The following ALK variants were observed in gnomAD, a reference collection of about 807,000 sequenced individuals.
ALK encodes the protein ALK receptor tyrosine kinase, also known as ALK tyrosine kinase receptor.
In ALK, 74 loss-of-function variants were observed where a neutral mutation model predicts 163.1. The observed-to-expected ratio is 0.45, with a 90% CI of 0.38 to 0.55. The LOEUF is 0.55. Ranked by LOEUF, ALK falls within the 20% of genes least tolerant of loss-of-function variation. The probability of loss-of-function intolerance (pLI) is 0.00; values close to 1 mark genes in which losing one functional copy is unlikely to be tolerated. For synonymous variants in ALK, 960 were observed against 843.2 expected (o/e 1.14, Z -2.40); for missense variants, 2,063 against 2,105.3 (o/e 0.98, Z 0.39).
chr2:29,716,847 T>C (rs1365929944), intron 2 of ALK, among the ~76,000 whole-genome samples: 1 of 151,658 alleles, frequency 6.6e-6, no homozygotes, highest in Non-Finnish European at 1.5e-5. Flanking sequence ...AATCCCCTCT[T>C]AAGAGACTGA....
chr2:29,497,477 T>C (rs1672060239), intron 4 of ALK, among the ~76,000 whole-genome samples: 1 of 152,068 alleles, frequency 6.6e-6, no homozygotes, highest in African/African-American at 2.4e-5. Context: ...TGCTACTGAG[T>C]GCACCAGGGC....
intron 8 of ALK, among the ~76,000 whole-genome samples, chr2:29,317,282 T>A (rs60332652): frequency 0.01 from 1,533 of 152,324 alleles, 28 homozygotes; most frequent in African/African-American, 0.034. Flanking sequence ...GACAGGAATT[T>A]CTCCTGTGAG....
chr2:29,813,578 A>G (rs1664813948), intron 1 of ALK, among the ~76,000 whole-genome samples: 1 of 152,206 alleles, frequency 6.6e-6, no homozygotes, highest in South Asian at 2.1e-4. Flanking sequence ...GAAGAGGCAT[A>G]AAAATAAATT....
intron 24 of ALK, 33 bp downstream of exon 24, chr2:29,213,951 G>A (rs1321648570): frequency 1.9e-6 from 3 of 1,567,828 alleles, no homozygotes; most frequent in Non-Finnish European, 2.6e-6. Context: ...TCAGCGACAG[G>A]ATGACAGGAA....
intron 1 of ALK, among the ~76,000 whole-genome samples, chr2:29,897,251 G>A (rs912503674): frequency 3.9e-5 from 6 of 151,976 alleles, no homozygotes; most frequent in Admixed American, 1.3e-4. Flanking sequence ...GGTTGCAAGT[G>A]GTTCTGCAGC....
At chr2:29,554,483 G>T (rs983944842) in intron 3 of ALK, among the ~76,000 whole-genome samples, 2 of 152,198 alleles carry the variant, frequency 1.3e-5, no homozygotes, top group African/African-American at 4.8e-5. Context: ...CAAAGGCTTG[G>T]TCTGCACTGA....
intron 3 of ALK, among the ~76,000 whole-genome samples, chr2:29,628,156 T>G (rs527884750): frequency 2.0e-5 from 3 of 152,334 alleles, no homozygotes; most frequent in Admixed American, 2.0e-4. Context: ...CCTTTGACTT[T>G]CATTATGATT....
At chr2:29,217,209 T>C (rs558282605) in intron 23 of ALK, among the ~76,000 whole-genome samples, 1 of 151,466 alleles carries the variant, frequency 6.6e-6, no homozygotes, top group African/African-American at 2.4e-5. Flanking sequence ...TTGTGTGTGT[T>C]GCATGTTGCA....
At chr2:29,475,415 G>A (rs754127397) in intron 4 of ALK, among the ~76,000 whole-genome samples, 3 of 152,168 alleles carry the variant, frequency 2.0e-5, no homozygotes, top group South Asian at 2.1e-4. Context: ...GTCACACGGC[G>A]TAGGTGGCAG....
chr2:29,266,543 T>G (rs1022838749), intron 11 of ALK, among the ~76,000 whole-genome samples: 2 of 152,248 alleles, frequency 1.3e-5, no homozygotes, highest in Non-Finnish European at 2.9e-5. Context: ...GCATATTGTT[T>G]TGTACCTTTG....
At chr2:29,625,845 C>G (rs1382351521) in intron 3 of ALK, among the ~76,000 whole-genome samples, 1 of 152,238 alleles carries the variant, frequency 6.6e-6, no homozygotes, top group Non-Finnish European at 1.5e-5. Flanking sequence ...GCAGAGGCAC[C>G]TGAGCTTTGC....
At chr2:29,769,129 T>C (rs1200276710) in intron 1 of ALK, among the ~76,000 whole-genome samples, 1 of 145,840 alleles carries the variant, frequency 6.9e-6, no homozygotes, top group African/African-American at 2.5e-5. Context: ...CCACAGCATC[T>C]GGCTAAATTT....
At chr2:29,655,256 G>A (rs1190975156) in intron 3 of ALK, among the ~76,000 whole-genome samples, 2 of 152,160 alleles carry the variant, frequency 1.3e-5, no homozygotes, top group Non-Finnish European at 2.9e-5. Context: ...GGTAGGGGCT[G>A]AATATGGTGA....
At chr2:29,909,486 G>GAGAGAGAGAC (rs1667642439) in intron 1 of ALK, among the ~76,000 whole-genome samples, 1 of 131,208 alleles carries the variant, frequency 7.6e-6, no homozygotes, top group Non-Finnish European at 1.6e-5. Flanking sequence ...CAGACAGAGA[G>GAGAGAGAGAC]AGAGAGAGAG....
intron 4 of ALK, among the ~76,000 whole-genome samples, chr2:29,399,710 G>A (rs747889412): frequency 7.9e-5 from 12 of 152,150 alleles, no homozygotes; most frequent in Non-Finnish European, 1.3e-4. Context: ...TGTCTCTTCC[G>A]TTTATGAGGT....
rs1218098685 is a variant in ALK, at chr2:29,192,837, TCAA to T, written c.*384_*386del. On this transcript the variant is annotated 3_prime_UTR_variant, in exon 29 of 29. Coordinates refer to ENST00000389048, the MANE Select transcript of ALK (RefSeq NM_004304.5). ...TCCCCTCAAATGGCTCATGTCCACA[TCAA>T]CAAGGCAAGGAAACATCTATGACCC... 3 of 363,276 alleles carry T rather than the reference TCAA, an allele frequency of 8.3e-6. No homozygotes were observed. The highest frequency in any genetic ancestry group is 4.4e-5 in the Admixed American group (1 of 22,610). 22.5% of individuals were successfully genotyped at this position (363,276 alleles called of 1,614,324 possible).
At chr2:29,674,609 T>C (rs2148273499) in intron 3 of ALK, among the ~76,000 whole-genome samples, 1 of 151,694 alleles carries the variant, frequency 6.6e-6, no homozygotes, top group Admixed American at 6.6e-5. Context: ...GCATCAATGT[T>C]CATCAAGGAT....
intron 4 of ALK, among the ~76,000 whole-genome samples, chr2:29,505,313 G>C (rs1053834334): frequency 7.2e-5 from 11 of 152,188 alleles, no homozygotes; most frequent in Non-Finnish European, 1.3e-4. Context: ...CTGCTGTGTA[G>C]ACTGTTGGGT....
At chr2:29,379,798 G>A (rs1668850166) in intron 5 of ALK, among the ~76,000 whole-genome samples, 1 of 152,198 alleles carries the variant, frequency 6.6e-6, no homozygotes, top group East Asian at 1.9e-4. Context: ...ATTCAAGTCT[G>A]CGTATATGAA....
Sources: gnomAD v4.1 joint callset for allele counts (sites outside exome capture counted in the v4.1 genomes callset) on GRCh38, gnomAD v4.1.1 for gene constraint, MANE v1.5 for transcripts, NCBI Gene and HGNC (gene_info 2026-07-23, HGNC 2026-07-21) for gene names.